HOOK3: variants seen among roughly 807,000 people sequenced by gnomAD.
The protein encoded by HOOK3 is protein Hook homolog 3.
HOOK3 carries 24 observed loss-of-function variants against 116.3 expected under a neutral mutation model. That is an observed-to-expected ratio of 0.21 (90% CI 0.15 to 0.29). The LOEUF is 0.29. HOOK3 is among the 10% of genes least tolerant of loss of function. The probability of loss-of-function intolerance (pLI) is 1.00; values close to 1 mark genes in which losing one functional copy is unlikely to be tolerated. For missense variants in HOOK3, 632 were observed against 830.2 expected, an observed-to-expected ratio of 0.76 and a Z score of 2.93; for synonymous variants, 275 against 283.0, an observed-to-expected ratio of 0.97 and a Z score of 0.28.
At chr8:43,007,952 G>T in intron 18 of HOOK3, 23 bp downstream of exon 18, 1 of 1,374,686 alleles carries the variant, frequency 7.3e-7, no homozygotes, top group Non-Finnish European at 1.0e-6. Context: ...AATTAGGATA[G>T]TTTTTAAGTG....
At chr8:42,965,351 G>T (rs1457605806) in intron 9 of HOOK3, among the ~76,000 whole-genome samples, 1 of 151,696 alleles carries the variant, frequency 6.6e-6, no homozygotes, top group African/African-American at 2.4e-5. Flanking sequence ...GTATGTGTGT[G>T]TTTATAGAGA....
At chr8:42,962,399 G>C (rs1808550155) in intron 8 of HOOK3, among the ~76,000 whole-genome samples, 1 of 148,876 alleles carries the variant, frequency 6.7e-6, no homozygotes, top group Admixed American at 6.7e-5. Context: ...ACTGCACCTG[G>C]CCCGTGTGTT....
At chr8:42,953,022 A>G (rs997056279) in intron 6 of HOOK3, among the ~76,000 whole-genome samples, 1 of 152,076 alleles carries the variant, frequency 6.6e-6, no homozygotes, top group Non-Finnish European at 1.5e-5. Flanking sequence ...GGAAAGAGTT[A>G]TCCACCTCCT....
chr8:43,009,794 C>T (rs756582384), intron 18 of HOOK3, among the ~76,000 whole-genome samples: 5 of 152,168 alleles, frequency 3.3e-5, no homozygotes, highest in East Asian at 1.9e-4. Flanking sequence ...AACCGAAGTT[C>T]TCTATCATTA....
chr8:42,917,506 T>C (rs965571899), intron 2 of HOOK3, among the ~76,000 whole-genome samples: 4 of 152,322 alleles, frequency 2.6e-5, no homozygotes, highest in African/African-American at 7.2e-5. Context: ...GTATAAACTC[T>C]GGTATGGTTT....
chr8:42,943,339 T>A lies in HOOK3; in HGVS notation c.294T>A (p.Phe98Leu), dbSNP rs1434904744. 1 of 1,531,386 alleles carries A rather than the reference T, an allele frequency of 6.5e-7. No individual in the cohort carries two copies. Among genetic ancestry groups the A allele is most frequent in the Non-Finnish European group, 8.8e-7 (1 of 1,137,400 alleles). The allele number at this position is 1,531,386 out of a possible 1,614,324, so 94.9% of individuals were successfully genotyped here. A position where few individuals can be genotyped will look rare whatever the true frequency, so the allele number is the denominator to read the frequency against. ...TTTTAGGACAGCAAATTAATGACTTTACCCTTCCTGATGTGAACCTTATTG... is the reference window on the plus strand; with the variant it reads ...TTTTAGGACAGCAAATTAATGACTTAACCCTTCCTGATGTGAACCTTATTG... The part of the protein sequence containing the change: ...HEILGQQIND[F>L]TLPDVNLIGE... Residue 98 changes from phenylalanine to leucine, a missense_variant, in exon 5 of 22, where the codon TTT becomes TTA. By Grantham distance (22) the Phe-to-Leu change is conservative (BLOSUM62 0). Transcript: ENST00000307602.
At chr8:43,013,823 C>G (rs146415918) in intron 21 of HOOK3, among the ~76,000 whole-genome samples, 18 of 152,286 alleles carry the variant, frequency 1.2e-4, no homozygotes, top group African/African-American at 4.3e-4. Flanking sequence ...TGAACCACTG[C>G]AGGTTTTGAA....
chr8:42,943,518 T>A, intron 5 of HOOK3, 73 bp downstream of exon 5: 1 of 1,047,352 alleles, frequency 9.5e-7, no homozygotes. Context: ...ATTTTATATA[T>A]AAATCACCAG....
intron 20 of HOOK3, 46 bp from the exon 21 acceptor site, chr8:43,013,283 T>TA: frequency 6.8e-7 from 1 of 1,474,506 alleles, no homozygotes; most frequent in South Asian, 1.3e-5. Flanking sequence ...TATATTGAGT[T>TA]ATTTTATATC....
intron 8 of HOOK3, among the ~76,000 whole-genome samples, chr8:42,962,407 GTTT>G (rs763537584): frequency 7.8e-6 from 1 of 127,622 alleles, no homozygotes; most frequent in Non-Finnish European, 1.7e-5. Flanking sequence ...TGGCCCGTGT[GTTT>G]TTTTTTTTTT....
In HOOK3 at chr8:43,013,459, A is replaced by G. The variant is rs956439395; in HGVS notation, c.2016+59A>G. 1.6e-5 allele frequency: 22 copies of G among 1,336,716 alleles called. No individual in the cohort carries two copies. The African/African-American group carries it at 3.0e-4, about 18-fold the overall frequency. 82.8% of individuals were successfully genotyped at this position (1,336,716 alleles called of 1,614,324 possible). A position where few individuals can be genotyped will look rare whatever the true frequency, so the allele number is the denominator to read the frequency against. ...CTTCAATGAATATGTAATACTTATTATATTCCCTTTACTGTAGAAGTCACT... is the reference window on the plus strand; with the variant it reads ...CTTCAATGAATATGTAATACTTATTGTATTCCCTTTACTGTAGAAGTCACT... On this transcript the variant is annotated intron_variant, in intron 21 of 21. Transcript: ENST00000307602.
chr8:42,907,085 T>G (rs1457851704), intron 2 of HOOK3, among the ~76,000 whole-genome samples: 1 of 152,170 alleles, frequency 6.6e-6, no homozygotes, highest in African/African-American at 2.4e-5. Flanking sequence ...AAATAAAGGA[T>G]TATGTGTGAA....
At chr8:42,978,010 G>T (rs1256647776) in intron 13 of HOOK3, among the ~76,000 whole-genome samples, 1 of 152,204 alleles carries the variant, frequency 6.6e-6, no homozygotes, top group African/African-American at 2.4e-5. Context: ...CTAACTAGCT[G>T]TGCAGCTCGA....
chr8:42,989,139 G>A (rs1202983879), intron 15 of HOOK3, among the ~76,000 whole-genome samples: 1 of 152,174 alleles, frequency 6.6e-6, no homozygotes, highest in African/African-American at 2.4e-5. Flanking sequence ...AGAGGGTGGA[G>A]GGTTGAGGGG....
In HOOK3 at chr8:43,026,238, G is replaced by A. The variant is rs1809931359; in HGVS notation, c.*7740G>A. On this transcript the variant is annotated 3_prime_UTR_variant, in exon 22 of 22. Coordinates refer to ENST00000307602, the MANE Select transcript of HOOK3 (RefSeq NM_032410.4). ...GATTACTCCGTGTACATTCTATAGT[G>A]TGTGTATTTTATTTAGTGTCTTAAT... The A allele has an allele frequency of 1.0e-5, 2 of 200,512 alleles. 1 individual carries two copies. The highest frequency in any genetic ancestry group is 1.2e-4 in the Admixed American group (2 of 16,630). The allele number at this position is 200,512 out of a possible 1,614,324, so 12.4% of individuals were successfully genotyped here.
intron 4 of HOOK3, among the ~76,000 whole-genome samples, chr8:42,942,857 A>G (rs962125238): frequency 7.9e-5 from 12 of 152,230 alleles, no homozygotes; most frequent in Non-Finnish European, 4.4e-5. Flanking sequence ...TTCCGTATAA[A>G]GAAATTTCAT....
intron 13 of HOOK3, among the ~76,000 whole-genome samples, chr8:42,975,995 G>A (rs933159085): frequency 7.2e-5 from 11 of 152,066 alleles, no homozygotes; most frequent in Middle Eastern, 6.8e-3. Context: ...GTGAGCCACC[G>A]CGCCCAGCCA....
Position 43,019,300 on chromosome 8 carries a change from A to G in HOOK3, c.*802A>G. ...TTCTTTTGGAATATCTTAGTAACTG[A>G]GGATCATTTTCTAACAATGTGGTTG... On this transcript the variant is annotated 3_prime_UTR_variant, in exon 22 of 22. Transcript: ENST00000307602. The G allele has an allele frequency of 4.6e-6, 1 of 215,438 alleles. No individual in the cohort carries two copies. Among genetic ancestry groups the G allele is most frequent in the East Asian group, 7.0e-5 (1 of 14,262 alleles). 13.3% of individuals were successfully genotyped at this position (215,438 alleles called of 1,614,324 possible).
At chr8:43,008,728 C>T (rs1190839152) in intron 18 of HOOK3, among the ~76,000 whole-genome samples, 23 of 144,318 alleles carry the variant, frequency 1.6e-4, no homozygotes, top group African/African-American at 5.1e-4. Context: ...GGCGGGATCT[C>T]GGCTCACTGC....
Sources: allele counts gnomAD v4.1 joint callset (sites outside exome capture counted in the v4.1 genomes callset), GRCh38; gene constraint gnomAD v4.1.1; transcripts MANE v1.5; gene names NCBI Gene and HGNC (gene_info 2026-07-23, HGNC 2026-07-21).